Variants in OPCML observed in about 807,000 individuals in gnomAD.
OPCML encodes opioid binding protein/cell adhesion molecule like, also known as opioid-binding protein/cell adhesion molecule.
A neutral mutation model predicts 37.8 loss-of-function variants in OPCML; 13 were observed. That is an observed-to-expected ratio of 0.34 (90% CI 0.22 to 0.55). The LOEUF is 0.55. OPCML is among the 20% of genes least tolerant of loss of function. OPCML has a pLI of 0.91. For missense variants in OPCML, 341 were observed against 435.6 expected (o/e 0.78, Z 1.93); for synonymous variants, 176 against 168.8 (o/e 1.04, Z -0.33).
intron 3 of OPCML, among the ~76,000 whole-genome samples, chr11:132,570,820 G>GAGAGAGAGAGAGAGAGAGAGAGAGA (rs1245612388): frequency 5.7e-5 from 7 of 123,706 alleles, no homozygotes; most frequent in African/African-American, 1.8e-4. Context: ...GAGAGAGAGA[G>GAGAGAGAGAGAGAGAGAGAGAGAGA]GATATATACT....
rs560965732 is a variant in OPCML at position 132,483,798 on chromosome 11, C to G, written c.505+45263G>C. Among the ~76,000 whole-genome samples, 1,331 of 149,908 alleles carry G rather than the reference C, an allele frequency of 8.9e-3. 11 individuals carry two copies. The highest frequency in any genetic ancestry group is 0.03 in the African/African-American group (1,188 of 39,676). On this transcript the variant is annotated intron_variant, in intron 4 of 7. Coordinates refer to ENST00000524381, the MANE Select transcript of OPCML (RefSeq NM_001012393.5). ...ACTATCTGATCTTTGACAAACCTGACAAAAACAAGCAATGGGGAAAGGATT... is the reference window on the plus strand; with the variant it reads ...ACTATCTGATCTTTGACAAACCTGAGAAAAACAAGCAATGGGGAAAGGATT...
At chr11:132,825,186 C>T (rs1940227362) in intron 2 of OPCML, among the ~76,000 whole-genome samples, 1 of 152,184 alleles carries the variant, frequency 6.6e-6, no homozygotes, top group African/African-American at 2.4e-5. Context: ...AAGTTTTCCT[C>T]AATTTGAAAA....
At chr11:133,273,413 C>T (rs1046707936) in intron 1 of OPCML, among the ~76,000 whole-genome samples, 3 of 152,110 alleles carry the variant, frequency 2.0e-5, no homozygotes, top group Non-Finnish European at 4.4e-5. Flanking sequence ...CCAAGTCCTG[C>T]GGCATCCTGA....
At chr11:132,686,308 T>A (rs575568052) in intron 2 of OPCML, among the ~76,000 whole-genome samples, 1 of 151,500 alleles carries the variant, frequency 6.6e-6, no homozygotes, top group African/African-American at 2.4e-5. Flanking sequence ...GAAAATGGAG[T>A]TTTAACAATA....
Position 132,644,107 on chromosome 11 carries a change from C to T in OPCML, c.379+12980G>A, listed in dbSNP as rs562773582. On this transcript the variant is annotated intron_variant, in intron 3 of 7. Transcript: ENST00000524381. ...CCTATAAATTCATTTAAAATCTGTG[C>T]TTTCCCCTGAAAAATCATAATAACC... Among the ~76,000 whole-genome samples, 16 of 152,276 alleles carry T rather than the reference C, an allele frequency of 1.1e-4. No homozygotes were observed. The East Asian group carries it at 3.1e-3, about 29-fold the overall frequency.
At chr11:133,506,937 GC>G (rs1206190400) in intron 1 of OPCML, among the ~76,000 whole-genome samples, 4 of 152,206 alleles carry the variant, frequency 2.6e-5, no homozygotes, top group African/African-American at 9.6e-5. Flanking sequence ...TTCCCACAGT[GC>G]CCCCACTCAT....
intron 1 of OPCML, among the ~76,000 whole-genome samples, chr11:133,027,489 GT>G (rs1306673503): frequency 4.1e-4 from 61 of 148,238 alleles, no homozygotes; most frequent in African/African-American, 1.3e-3. Context: ...GTGTGTGTGT[GT>G]TGTGTGTGTG....
intron 3 of OPCML, among the ~76,000 whole-genome samples, chr11:132,628,409 C>T (rs1008960630): frequency 2.6e-5 from 4 of 152,138 alleles, no homozygotes; most frequent in African/African-American, 9.7e-5. Context: ...TGTGTGATTC[C>T]TGTCTTTATT....
At chr11:132,520,268 A>G (rs1040189623) in intron 4 of OPCML, among the ~76,000 whole-genome samples, 1 of 152,196 alleles carries the variant, frequency 6.6e-6, no homozygotes, top group African/African-American at 2.4e-5. Context: ...TCTTTGTATA[A>G]TATAAAGAGC....
rs973156886 is a variant in OPCML, at chr11:133,422,405, G to A, written c.61+109859C>T. Reference sequence around the variant, plus strand: ...TATATATATATATATGTATATATGCGCCAGTTCAAACCCTTGCCCCACCTC... The same window carrying A: ...TATATATATATATATGTATATATGCACCAGTTCAAACCCTTGCCCCACCTC... On this transcript the variant is annotated intron_variant, in intron 1 of 7. Transcript: ENST00000524381. The A allele has an allele frequency of 2.8e-5, 25 of 899,786 alleles. No individual in the cohort carries two copies. In the Admixed American group the frequency reaches 6.7e-4, roughly 24 times the overall value. The allele number at this position is 899,786 out of a possible 1,614,324, so 55.7% of individuals were successfully genotyped here.
At chr11:132,627,914 G>A (rs974743830) in intron 3 of OPCML, among the ~76,000 whole-genome samples, 3 of 152,156 alleles carry the variant, frequency 2.0e-5, no homozygotes, top group Non-Finnish European at 4.4e-5. Context: ...GGTGGAGCTT[G>A]AACTGGGCCT....
intron 1 of OPCML, among the ~76,000 whole-genome samples, chr11:133,228,799 A>G (rs1000472469): frequency 2.0e-5 from 3 of 152,266 alleles, no homozygotes; most frequent in African/African-American, 7.2e-5. Context: ...TAAACCTGTC[A>G]CTTTAAAATA....
intron 1 of OPCML, among the ~76,000 whole-genome samples, chr11:133,358,433 C>T (rs1441687566): frequency 1.3e-5 from 2 of 152,202 alleles, no homozygotes; most frequent in Admixed American, 6.5e-5. Flanking sequence ...AGGGCTTCAT[C>T]ATCATGCCTG....
chr11:132,610,503 A>G (rs1434000130), intron 3 of OPCML, among the ~76,000 whole-genome samples: 1 of 152,188 alleles, frequency 6.6e-6, no homozygotes, highest in Non-Finnish European at 1.5e-5. Flanking sequence ...TTTGTATCAC[A>G]TTATCTCACA....
chr11:132,446,536 A>G (rs926172711), intron 4 of OPCML, among the ~76,000 whole-genome samples: 6 of 152,176 alleles, frequency 3.9e-5, no homozygotes, highest in Non-Finnish European at 7.3e-5. Context: ...GACCCAAAGA[A>G]TGCAGGGGTA....
chr11:132,881,292 C>A (rs1259614250), intron 2 of OPCML, among the ~76,000 whole-genome samples: 1 of 152,200 alleles, frequency 6.6e-6, no homozygotes, highest in Non-Finnish European at 1.5e-5. Flanking sequence ...GAATTGGAGT[C>A]TGGGGTTCCA....
At chr11:133,357,721 T>C (rs896649203) in intron 1 of OPCML, among the ~76,000 whole-genome samples, 3 of 152,202 alleles carry the variant, frequency 2.0e-5, no homozygotes, top group Admixed American at 6.5e-5. Context: ...TTTCAAAGGA[T>C]AAAGATTCTG....
At chr11:132,429,884 AC>A (rs2095990475) in intron 7 of OPCML, among the ~76,000 whole-genome samples, 2 of 152,114 alleles carry the variant, frequency 1.3e-5, no homozygotes, top group Admixed American at 1.3e-4. Context: ...TTCCCCTCTC[AC>A]CATAGGCTGA....
chr11:132,435,155 C>T (rs1425200277), intron 7 of OPCML: 1 of 1,286,006 alleles, frequency 7.8e-7, no homozygotes, highest in Admixed American at 2.3e-5. Flanking sequence ...CATGCTGTAC[C>T]CACCTGCCAC....
Sources: gnomAD v4.1 joint callset for allele counts (sites outside exome capture counted in the v4.1 genomes callset) on GRCh38, gnomAD v4.1.1 for gene constraint, MANE v1.5 for transcripts, NCBI Gene and HGNC (gene_info 2026-07-23, HGNC 2026-07-21) for gene names.